The following SEC24B variants were observed in gnomAD, a reference collection of about 807,000 sequenced individuals.
The protein encoded by SEC24B is SEC24 homolog B, COPII component.
A neutral mutation model predicts 142.8 loss-of-function variants in SEC24B; 45 were observed. That is an observed-to-expected ratio of 0.32 (90% CI 0.25 to 0.40). SEC24B has a LOEUF of 0.40. SEC24B is among the 10% of genes least tolerant of loss of function. SEC24B has a pLI of 1.00. For synonymous variants in SEC24B, 574 were observed against 568.2 expected (o/e 1.01, Z -0.15); for missense variants, 1,409 against 1,526.8 (o/e 0.92, Z 1.29).
rs1724778950 is a variant in SEC24B at position 109,530,434 on chromosome 4, T to C, written c.3222T>C (p.Phe1074=). 6.2e-7 allele frequency: 1 copy of C among 1,614,066 alleles called. No individual in the cohort carries two copies. The highest frequency in any genetic ancestry group is 8.5e-7 in the Non-Finnish European group (1 of 1,179,956). ...TGGCGCCCAGCTCCCTCAAGTTGTT[T>C]CCTCTCTATGTTTTGGCCCTTCTCA... ...ALMAPSSLKL[F]PLYVLALLKQ... The change falls in exon 19 of 24, where the codon TTT becomes TTC. Residue 1074 remains phenylalanine, a synonymous_variant. Transcript: ENST00000265175.
chr4:109,522,412 G>A (rs1281456242), intron 14 of SEC24B, among the ~76,000 whole-genome samples: 1 of 152,106 alleles, frequency 6.6e-6, no homozygotes, highest in Non-Finnish European at 1.5e-5. Context: ...TTTATACTTT[G>A]TAAGTCATAG....
At chr4:109,461,178 A>G (rs896993185) in intron 1 of SEC24B, among the ~76,000 whole-genome samples, 1 of 152,184 alleles carries the variant, frequency 6.6e-6, no homozygotes, top group African/African-American at 2.4e-5. Flanking sequence ...GCATCATTCA[A>G]AGTTAACTAC....
intron 6 of SEC24B, among the ~76,000 whole-genome samples, chr4:109,498,400 C>A (rs1228484230): frequency 6.6e-6 from 1 of 152,140 alleles, no homozygotes; most frequent in Non-Finnish European, 1.5e-5. Flanking sequence ...CTCTGTCGCC[C>A]AGGCTGGAGT....
intron 1 of SEC24B, among the ~76,000 whole-genome samples, chr4:109,452,282 T>C (rs1292485283): frequency 6.6e-6 from 1 of 152,232 alleles, no homozygotes; most frequent in Non-Finnish European, 1.5e-5. Flanking sequence ...TAAGTAGTAT[T>C]CTGTTGTATG....
chr4:109,520,492 G>A lies in SEC24B; in HGVS notation c.2245+8G>A, dbSNP rs773501677. On this transcript the variant is annotated splice_region_variant and intron_variant, in intron 12 of 23. Coordinates refer to ENST00000265175, the MANE Select transcript of SEC24B (RefSeq NM_006323.5). ...TTGTGTCTGATATAGATGGTAAGCA[G>A]TCAGTAAAATAAAAGCCTTTCTAAC... 5.2e-6 allele frequency: 8 copies of A among 1,527,024 alleles called. No individual in the cohort carries two copies. Among genetic ancestry groups the A allele is most frequent in the Non-Finnish European group, 6.3e-6 (7 of 1,104,880 alleles). 94.6% of individuals were successfully genotyped at this position (1,527,024 alleles called of 1,614,324 possible). A position where few individuals can be genotyped will look rare whatever the true frequency, so the allele number is the denominator to read the frequency against.
chr4:109,453,733 G>A (rs758029094), intron 1 of SEC24B, among the ~76,000 whole-genome samples: 38 of 152,108 alleles, frequency 2.5e-4, no homozygotes, highest in Non-Finnish European at 5.0e-4. Flanking sequence ...CTCAGCTTAC[G>A]AAGATGAAAG....
chr4:109,515,412 A>G (rs1253027987), intron 10 of SEC24B, among the ~76,000 whole-genome samples: 1 of 152,010 alleles, frequency 6.6e-6, no homozygotes, highest in Non-Finnish European at 1.5e-5. Context: ...CAGTTAGCAT[A>G]TTTTTAAGAA....
chr4:109,450,610 A>T (rs1729968279), intron 1 of SEC24B, among the ~76,000 whole-genome samples: 1 of 150,294 alleles, frequency 6.7e-6, no homozygotes, highest in East Asian at 2.0e-4. Flanking sequence ...GTGAGCCAAG[A>T]TCACGCCACT....
At chr4:109,461,382 CT>C (rs1262193572) in intron 1 of SEC24B, among the ~76,000 whole-genome samples, 1 of 152,112 alleles carries the variant, frequency 6.6e-6, no homozygotes. Flanking sequence ...AGAAATTTGT[CT>C]TATAGCTTCA....
At chr4:109,454,310 A>G (rs1446015452) in intron 1 of SEC24B, among the ~76,000 whole-genome samples, 2 of 151,948 alleles carry the variant, frequency 1.3e-5, no homozygotes, top group Non-Finnish European at 2.9e-5. Flanking sequence ...AGGCCGAGGC[A>G]GGAGGATTGC....
At chr4:109,458,274 A>AT (rs1257989200) in intron 1 of SEC24B, among the ~76,000 whole-genome samples, 1 of 152,006 alleles carries the variant, frequency 6.6e-6, no homozygotes, top group African/African-American at 2.4e-5. Flanking sequence ...TTGTCTGTTC[A>AT]TTTACTGGTA....
At position 109,494,820 on chromosome 4, in the gene SEC24B, T is replaced by C; in HGVS notation, c.1452T>C (p.Ser484=). The change falls in exon 6 of 24, where the codon AGT becomes AGC. Residue 484 remains serine, a synonymous_variant. Coordinates refer to ENST00000265175, the MANE Select transcript of SEC24B (RefSeq NM_006323.5). Reference sequence around the variant, plus strand: ...CACTTATTTCTGGAGTACAGCCCAGTAACCCGGTATATTCTGGATTCCAGC... The same window carrying C: ...CACTTATTTCTGGAGTACAGCCCAGCAACCCGGTATATTCTGGATTCCAGC... ...TAPLISGVQP[S]NPVYSGFQQY... 6.2e-7 allele frequency: 1 copy of C among 1,614,028 alleles called. No individual in the cohort carries two copies. Among genetic ancestry groups the C allele is most frequent in the Non-Finnish European group, 8.5e-7 (1 of 1,179,850 alleles).
In SEC24B at chr4:109,463,649, G is replaced by T. The variant is rs1419236356; in HGVS notation, c.877+5G>T. On this transcript the variant is annotated splice_donor_5th_base_variant and intron_variant, in intron 2 of 23. Coordinates refer to ENST00000265175, the MANE Select transcript of SEC24B (RefSeq NM_006323.5). ...ACAACAACCCAACCATTACTGGTAGGTTGAATGAAAAGTTCACCAAAACAT... is the reference window on the plus strand; with the variant it reads ...ACAACAACCCAACCATTACTGGTAGTTTGAATGAAAAGTTCACCAAAACAT... 9 of 1,602,908 alleles carry T rather than the reference G, an allele frequency of 5.6e-6. No individual in the cohort carries two copies. In the South Asian group the frequency reaches 1.0e-4, roughly 18 times the overall value.
At chr4:109,514,780 G>A (rs1737745825) in intron 10 of SEC24B, among the ~76,000 whole-genome samples, 1 of 152,242 alleles carries the variant, frequency 6.6e-6, no homozygotes, top group Non-Finnish European at 1.5e-5. Flanking sequence ...TTAAACTGCT[G>A]CTAGTGAAAA....
At chr4:109,449,475 G>T in intron 1 of SEC24B, 1 of 450,030 alleles carries the variant, frequency 2.2e-6, no homozygotes, top group Non-Finnish European at 4.4e-6. Context: ...CAAGCAATCT[G>T]CCCGCCTCGG....
rs1724219720 is a variant in SEC24B at position 109,526,324 on chromosome 4, T to C, written c.2890T>C (p.Leu964=). 6.2e-7 allele frequency: 1 copy of C among 1,614,000 alleles called. No individual in the cohort carries two copies. Among genetic ancestry groups the C allele is most frequent in the Non-Finnish European group, 8.5e-7 (1 of 1,179,906 alleles). ...TCCTGATGCTGGATTTGCGGTGCAGTTGTCAATTGAAGAAAGTTTAACAGA... is the reference window on the plus strand; with the variant it reads ...TCCTGATGCTGGATTTGCGGTGCAGCTGTCAATTGAAGAAAGTTTAACAGA... ...INPDAGFAVQ[L]SIEESLTDTS... The change falls in exon 17 of 24, where the codon TTG becomes CTG. Residue 964 remains leucine (L), a synonymous_variant. Coordinates refer to ENST00000265175, the MANE Select transcript of SEC24B (RefSeq NM_006323.5).
intron 1 of SEC24B, among the ~76,000 whole-genome samples, chr4:109,443,513 AT>A (rs1047205373): frequency 2.6e-5 from 4 of 152,130 alleles, no homozygotes; most frequent in African/African-American, 9.7e-5. Context: ...GAGTGCTGGG[AT>A]TACAGGCATG....
In SEC24B at chr4:109,521,406, C is replaced by A; in HGVS notation, c.2302-14C>A. ...CCTTCTCAGTAATTCAATTTTTGATCTTTGTTTTCTCAGCTTATAAAAGAC... is the reference window on the plus strand; with the variant it reads ...CCTTCTCAGTAATTCAATTTTTGATATTTGTTTTCTCAGCTTATAAAAGAC... On this transcript the variant is annotated splice_polypyrimidine_tract_variant and intron_variant, in intron 13 of 23. Transcript: ENST00000265175. 1 of 1,602,226 alleles carries A rather than the reference C, an allele frequency of 6.2e-7. No homozygotes were observed. The highest frequency in any genetic ancestry group is 1.1e-5 in the South Asian group (1 of 90,732).
rs181886007 is a variant in SEC24B, at chr4:109,525,419, A to G, written c.2706A>G (p.Gln902=). 1.2e-6 allele frequency: 2 copies of G among 1,612,086 alleles called. No homozygotes were observed. The highest frequency in any genetic ancestry group is 2.7e-5 in the African/African-American group (2 of 74,894). The change falls in exon 16 of 24, where the codon CAA becomes CAG. Residue 902 remains glutamine, a synonymous_variant. Coordinates refer to ENST00000265175, the MANE Select transcript of SEC24B (RefSeq NM_006323.5). ...TCCACTATACTCACAATCCTTCACA[A>G]GCAGAAAAGTTACAAAAAGACCTAA... ...PSFHYTHNPS[Q]AEKLQKDLKR...
Sources: allele counts gnomAD v4.1 joint callset (sites outside exome capture counted in the v4.1 genomes callset), GRCh38; gene constraint gnomAD v4.1.1; transcripts MANE v1.5; gene names NCBI Gene and HGNC (gene_info 2026-07-23, HGNC 2026-07-21).